The following ENPP4 variants were observed in gnomAD, a reference collection of about 807,000 sequenced individuals.
ENPP4 encodes ectonucleotide pyrophosphatase/phosphodiesterase 4.
ENPP4 carries 18 observed loss-of-function variants against 33.4 expected under a neutral mutation model. The ratio of observed to expected loss-of-function variants is 0.54; its 90% confidence interval spans 0.37 to 0.80. The LOEUF is 0.80. Among genes scored for constraint, ENPP4 ranks in the 30% least tolerant of loss-of-function variants. The pLI is 0.00. For synonymous variants in ENPP4, 172 were observed against 189.9 expected (o/e 0.91, Z 0.78); for missense variants, 480 against 541.7 (o/e 0.89, Z 1.13).
chr6:46,143,596 C>T lies in ENPP4; in HGVS notation c.1318C>T (p.Arg440Ter). The change falls in exon 4 of 4, where the codon CGA (arginine) becomes TGA (stop). Residue 440 changes from arginine (R) to a stop codon, truncating the protein, a stop_gained. Coordinates refer to ENST00000321037, the MANE Select transcript of ENPP4 (RefSeq NM_014936.5). LOFTEE classifies it high-confidence loss of function. ...ACTTTCTGTACCTCGTCCATTTTCT[C>T]GACTTCAGCTACAAGAAGATGATGA... Reference protein sequence around the residue: ...NRLSVPRPFSRLQLQEDDDDP... With the variant: ...NRLSVPRPFS 1.2e-6 allele frequency: 2 copies of T among 1,611,866 alleles called. No homozygotes were observed. Among genetic ancestry groups the T allele is most frequent in the African/African-American group, 1.3e-5 (1 of 74,898 alleles).
intron 1 of ENPP4, among the ~76,000 whole-genome samples, chr6:46,134,671 C>T (rs915473505): frequency 6.6e-6 from 1 of 151,838 alleles, no homozygotes; most frequent in African/African-American, 2.4e-5. Context: ...TACAATTTCA[C>T]TTCCCTCTGC....
At chr6:46,138,462 T>C (rs759173721) in intron 1 of ENPP4, among the ~76,000 whole-genome samples, 127 of 151,878 alleles carry the variant, frequency 8.4e-4, no homozygotes, top group Non-Finnish European at 1.0e-3. Flanking sequence ...TTCTACTGTT[T>C]ACTCACACTT....
At chr6:46,141,300 A>G in intron 3 of ENPP4, 78 bp downstream of exon 3, 1 of 1,045,568 alleles carries the variant, frequency 9.6e-7, no homozygotes, top group East Asian at 2.5e-5. Context: ...TTAAGAGGGT[A>G]CTTCGATTTA....
intron 1 of ENPP4, among the ~76,000 whole-genome samples, chr6:46,133,487 C>T (rs996112097): frequency 6.6e-6 from 1 of 152,116 alleles, no homozygotes; most frequent in African/African-American, 2.4e-5. Flanking sequence ...TTTATACTCT[C>T]TTGGCTTCAC....
chr6:46,139,075 C>T (rs2127492539), intron 1 of ENPP4, among the ~76,000 whole-genome samples: 1 of 151,710 alleles, frequency 6.6e-6, no homozygotes, highest in Middle Eastern at 3.4e-3. Flanking sequence ...CAAGAACTGG[C>T]AATAAACCAA....
chr6:46,134,838 TTTA>T (rs1213431745), intron 1 of ENPP4, among the ~76,000 whole-genome samples: 1 of 152,016 alleles, frequency 6.6e-6, no homozygotes, highest in African/African-American at 2.4e-5. Context: ...CTTACTGGCA[TTTA>T]TTACCCATTT....
At chr6:46,131,120 A>C (rs781063544) in intron 1 of ENPP4, among the ~76,000 whole-genome samples, 28 of 151,412 alleles carry the variant, frequency 1.8e-4, no homozygotes, top group Non-Finnish European at 3.4e-4. Context: ...TTTGGAAGAC[A>C]TTTTTTTTTA....
In ENPP4 at chr6:46,144,839, C is replaced by T. The variant is rs187472105; in HGVS notation, c.*1199C>T. On this transcript the variant is annotated 3_prime_UTR_variant, in exon 4 of 4. Transcript: ENST00000321037. ...ATTCATATGTTAAGTGGCAGAATAG[C>T]CTTAGTGCTACCTCCACTTTTTTCT... 3.3e-5 allele frequency: 13 copies of T among 393,994 alleles called. No individual in the cohort carries two copies. Among genetic ancestry groups the T allele is most frequent in the African/African-American group, 1.6e-4 (8 of 48,516 alleles). 24.4% of individuals were successfully genotyped at this position (393,994 alleles called of 1,614,324 possible). A position where few individuals can be genotyped will look rare whatever the true frequency, so the allele number is the denominator to read the frequency against.
chr6:46,133,345 A>G (rs1763930877), intron 1 of ENPP4, among the ~76,000 whole-genome samples: 1 of 152,206 alleles, frequency 6.6e-6, no homozygotes, highest in African/African-American at 2.4e-5. Context: ...AGCAACTGAT[A>G]ATAATCTAAA....
chr6:46,140,897 T>C (rs1178565275), intron 2 of ENPP4, among the ~76,000 whole-genome samples, 155 bp from the exon 3 acceptor site: 1 of 151,650 alleles, frequency 6.6e-6, no homozygotes, highest in African/African-American at 2.4e-5. Context: ...TGTGTATCAG[T>C]CCCCAACACT....
intron 1 of ENPP4, among the ~76,000 whole-genome samples, chr6:46,134,065 G>A (rs755967805): frequency 1.9e-4 from 29 of 152,116 alleles, no homozygotes; most frequent in Non-Finnish European, 4.0e-4. Context: ...CATCATATGC[G>A]AAGAGATGAG....
At position 46,144,710 on chromosome 6, in the gene ENPP4, G is replaced by A. The variant is rs1196779324; in HGVS notation, c.*1070G>A. ...ATTTGACTGGGACAGAATGAGGAAT[G>A]GAGATTTTTGTATTTATCTTTGGGA... is the stretch of plus-strand genomic sequence containing the variant. On this transcript the variant is annotated 3_prime_UTR_variant, in exon 4 of 4. Coordinates refer to ENST00000321037, the MANE Select transcript of ENPP4 (RefSeq NM_014936.5). 2.8e-6 allele frequency: 1 copy of A among 359,736 alleles called. No homozygotes were observed. Among genetic ancestry groups the A allele is most frequent in the African/African-American group, 2.1e-5 (1 of 47,792 alleles). 22.3% of individuals were successfully genotyped at this position (359,736 alleles called of 1,614,324 possible). A position where few individuals can be genotyped will look rare whatever the true frequency, so the allele number is the denominator to read the frequency against.
rs1211095367 is a variant in ENPP4, at chr6:46,146,504, T to C, written c.*2864T>C. On this transcript the variant is annotated 3_prime_UTR_variant, in exon 4 of 4. Transcript: ENST00000321037. ...AAAATGTGTATTTATTGTTAATTCTTAAAATAGTGTGTAAATAAAATAACA... is the reference window on the plus strand; with the variant it reads ...AAAATGTGTATTTATTGTTAATTCTCAAAATAGTGTGTAAATAAAATAACA... 2 of 152,366 alleles carry C rather than the reference T, an allele frequency of 1.3e-5. No homozygotes were observed. Among genetic ancestry groups the C allele is most frequent in the African/African-American group, 4.8e-5 (2 of 41,418 alleles). 9.4% of individuals were successfully genotyped at this position (152,366 alleles called of 1,614,324 possible).
intron 1 of ENPP4, among the ~76,000 whole-genome samples, chr6:46,132,761 C>T (rs1283458149): frequency 3.3e-5 from 5 of 152,102 alleles, no homozygotes; most frequent in African/African-American, 7.2e-5. Flanking sequence ...GCCATTTTCA[C>T]GATATTGATT....
intron 1 of ENPP4, among the ~76,000 whole-genome samples, chr6:46,138,292 G>T (rs1297558159): frequency 1.3e-5 from 2 of 151,780 alleles, no homozygotes; most frequent in Non-Finnish European, 2.9e-5. Flanking sequence ...AGCATCTTCA[G>T]CTTCCTTTGT....
rs1764142006 is a variant in ENPP4 at position 46,146,555 on chromosome 6, T to C, written c.*2915T>C. Reference sequence around the variant, plus strand: ...TCAGTGTGCTTTAAAGAAATGTGTATGTAGTGCCTTAATTTAAATTAAAAT... The same window carrying C: ...TCAGTGTGCTTTAAAGAAATGTGTACGTAGTGCCTTAATTTAAATTAAAAT... On this transcript the variant is annotated 3_prime_UTR_variant, in exon 4 of 4. Coordinates refer to ENST00000321037, the MANE Select transcript of ENPP4 (RefSeq NM_014936.5). 1 of 152,400 alleles carries C rather than the reference T, an allele frequency of 6.6e-6. No homozygotes were observed. The highest frequency in any genetic ancestry group is 2.1e-4 in the South Asian group (1 of 4,836). The allele number at this position is 152,400 out of a possible 1,614,324, so 9.4% of individuals were successfully genotyped here. A position where few individuals can be genotyped will look rare whatever the true frequency, so the allele number is the denominator to read the frequency against.
rs542706483 is a variant in ENPP4 at position 46,145,954 on chromosome 6, G to A, written c.*2314G>A. The A allele has an allele frequency of 6.6e-6, 1 of 151,858 alleles. No homozygotes were observed. Among genetic ancestry groups the A allele is most frequent in the African/African-American group, 2.4e-5 (1 of 41,492 alleles). 9.4% of individuals were successfully genotyped at this position (151,858 alleles called of 1,614,324 possible). A position where few individuals can be genotyped will look rare whatever the true frequency, so the allele number is the denominator to read the frequency against. ...GCCATTGACTCCTTTAGTACACTGA[G>A]AAAAATCTTATAGTAAAACTAGCCT... On this transcript the variant is annotated 3_prime_UTR_variant, in exon 4 of 4. Transcript: ENST00000321037.
Position 46,140,032 on chromosome 6 carries a change from A to T in ENPP4, c.449A>T (p.Tyr150Phe), listed in dbSNP as rs148149279. Residue 150 changes from tyrosine to phenylalanine, a missense_variant, in exon 2 of 4, where the codon TAT (tyrosine) becomes TTT (phenylalanine). Transcript: ENST00000321037. ...CCCATTCACGATACCATCTCTTCCT[A>T]TTTTATGAATTACAACTCCTCAGTG... ...DVPIHDTISS[Y>F]FMNYNSSVSF... 2.7e-5 allele frequency: 43 copies of T among 1,612,704 alleles called. No individual in the cohort carries two copies. In the African/African-American group the frequency reaches 5.2e-4, roughly 20 times the overall value.
chr6:46,130,745 C>A (rs1259951147), intron 1 of ENPP4, among the ~76,000 whole-genome samples: 2 of 152,200 alleles, frequency 1.3e-5, no homozygotes, highest in Non-Finnish European at 2.9e-5. Flanking sequence ...ACAATGCTTC[C>A]TTTTCTTGTC....
Sources: gnomAD v4.1 joint callset for allele counts (sites outside exome capture counted in the v4.1 genomes callset) on GRCh38, gnomAD v4.1.1 for gene constraint, MANE v1.5 for transcripts, NCBI Gene and HGNC (gene_info 2026-07-23, HGNC 2026-07-21) for gene names.